HFM1: variants seen among roughly 807,000 people sequenced by gnomAD.
HFM1 encodes probable ATP-dependent DNA helicase HFM1.
HFM1 carries 169 observed loss-of-function variants against 192.1 expected under a neutral mutation model. The observed-to-expected ratio is 0.88, with a 90% CI of 0.78 to 1.00. The LOEUF (loss-of-function observed/expected upper bound fraction) is 1.00, where lower values mean the gene tolerates loss of function less well. Ranked by LOEUF, HFM1 falls within the 50% of genes least tolerant of loss-of-function variation. HFM1 has a pLI of 0.00. For synonymous variants in HFM1, 525 were observed against 537.8 expected, an observed-to-expected ratio of 0.98 and a Z score of 0.33; for missense variants, 1,661 against 1,668.0, an observed-to-expected ratio of 1.00 and a Z score of 0.07.
At chr1:91,334,930 C>CAA (rs1036387638) in intron 20 of HFM1, among the ~76,000 whole-genome samples, 9 of 102,320 alleles carry the variant, frequency 8.8e-5, no homozygotes, top group Non-Finnish European at 1.2e-4. Context: ...CTCTCTGTCT[C>CAA]AAAAAAAAAA....
At chr1:91,310,608 C>A (rs1438298384) in intron 30 of HFM1, among the ~76,000 whole-genome samples, 1 of 152,192 alleles carries the variant, frequency 6.6e-6, no homozygotes, top group Non-Finnish European at 1.5e-5. Flanking sequence ...TCCCAGAATT[C>A]CCACGTGTTG....
intron 30 of HFM1, among the ~76,000 whole-genome samples, chr1:91,293,534 A>G (rs1226448774): frequency 6.7e-6 from 1 of 149,854 alleles, no homozygotes; most frequent in Admixed American, 6.7e-5. Context: ...GCAATCATTA[A>G]AAAGTCAGGA....
intron 13 of HFM1, among the ~76,000 whole-genome samples, chr1:91,370,958 G>A (rs1441868022): frequency 6.6e-6 from 1 of 151,918 alleles, no homozygotes; most frequent in African/African-American, 2.4e-5. Context: ...CAGACAAACA[G>A]AGAGCCAAAT....
intron 13 of HFM1, among the ~76,000 whole-genome samples, chr1:91,357,440 A>C (rs1040160743): frequency 3.3e-5 from 5 of 152,198 alleles, no homozygotes; most frequent in Non-Finnish European, 7.3e-5. Flanking sequence ...CAGGCATATA[A>C]GGAAAACTTC....
At position 91,380,949 on chromosome 1, in the gene HFM1, G is replaced by A; in HGVS notation, c.836C>T (p.Pro279Leu). The A allele has an allele frequency of 6.9e-7, 1 of 1,456,966 alleles. No homozygotes were observed. Among genetic ancestry groups the A allele is most frequent in the Non-Finnish European group, 9.6e-7 (1 of 1,040,112 alleles). The allele number at this position is 1,456,966 out of a possible 1,614,324, so 90.3% of individuals were successfully genotyped here. A position where few individuals can be genotyped will look rare whatever the true frequency, so the allele number is the denominator to read the frequency against. Residue 279 changes from proline (P) to leucine (L), a missense_variant, in exon 7 of 39, where the codon CCA becomes CTA. Coordinates refer to ENST00000370425, the MANE Select transcript of HFM1 (RefSeq NM_001017975.6). ...AKFRSIFKEF[P>L]YFNYIQSKAF... Reference sequence around the variant, plus strand: ...CTTGGACTGTATATAGTTGAAATATGGAAATTCTTTGAAAATACTTCTAAA... The same window carrying A: ...CTTGGACTGTATATAGTTGAAATATAGAAATTCTTTGAAAATACTTCTAAA...
In HFM1 at chr1:91,305,668, A is replaced by C. The variant is rs1649494730; in HGVS notation, c.3391+7681T>G. Among the ~76,000 whole-genome samples the C allele has an allele frequency of 2.0e-5, 3 of 152,148 alleles. No individual in the cohort carries two copies. The South Asian group carries it at 6.2e-4, about 32-fold the overall frequency. On this transcript the variant is annotated intron_variant, in intron 30 of 38. Coordinates refer to ENST00000370425, the MANE Select transcript of HFM1 (RefSeq NM_001017975.6). ...CTGTAACTTCGAACACCTGGACTCA[A>C]GTGATCTTCCCATTTCAGCCTCCAG...
At chr1:91,289,048 G>GC (rs1257422783) in intron 30 of HFM1, among the ~76,000 whole-genome samples, 1 of 150,546 alleles carries the variant, frequency 6.6e-6, no homozygotes, top group Non-Finnish European at 1.5e-5. Flanking sequence ...GGCGGGGGCT[G>GC]CCCCCCACCT....
chr1:91,367,295 G>A (rs548970510), intron 13 of HFM1, among the ~76,000 whole-genome samples: 177 of 152,286 alleles, frequency 1.2e-3, no homozygotes, highest in African/African-American at 3.5e-3. Flanking sequence ...ATCTGAGAAC[G>A]GACAGACTAC....
chr1:91,358,778 G>C (rs577907292), intron 13 of HFM1, among the ~76,000 whole-genome samples: 1 of 151,086 alleles, frequency 6.6e-6, no homozygotes, highest in African/African-American at 2.4e-5. Context: ...CTGTTTCTTT[G>C]GGGGGGTCCC....
chr1:91,305,601 T>G (rs1026244004), intron 30 of HFM1, among the ~76,000 whole-genome samples: 4 of 152,082 alleles, frequency 2.6e-5, no homozygotes, highest in Non-Finnish European at 5.9e-5. Flanking sequence ...AAGGTCTCAC[T>G]CTGTTGCCCA....
chr1:91,316,450 T>G lies in HFM1; in HGVS notation c.2839A>C (p.Asn947His). The G allele has an allele frequency of 6.4e-7, 1 of 1,573,516 alleles. No homozygotes were observed. Among genetic ancestry groups the G allele is most frequent in the Non-Finnish European group, 8.7e-7 (1 of 1,155,424 alleles). The change falls in exon 26 of 39, where the codon AAT becomes CAT. Residue 947 changes from asparagine (N) to histidine (H), a missense_variant. Transcript: ENST00000370425. ...TTTTTAAAGGAAGTCAAACCAGCATTTACGATTGCATTTGACAATGTTATA... is the reference window on the plus strand; with the variant it reads ...TTTTTAAAGGAAGTCAAACCAGCATGTACGATTGCATTTGACAATGTTATA... ...IGITLSNAIV[N>H]AGLTSFKKIE...
intron 6 of HFM1, among the ~76,000 whole-genome samples, chr1:91,381,416 G>C (rs1173695001): frequency 3.9e-5 from 6 of 152,024 alleles, no homozygotes; most frequent in Admixed American, 3.9e-4. Context: ...TACTTCATTA[G>C]CTGATGTGTT....
intron 6 of HFM1, among the ~76,000 whole-genome samples, chr1:91,382,960 G>A (rs184890662): frequency 1.3e-5 from 2 of 152,176 alleles, no homozygotes; most frequent in East Asian, 3.9e-4. Context: ...ATTGCCCTGA[G>A]GATTCAAATG....
chr1:91,268,545 C>T (rs927774088), intron 34 of HFM1, among the ~76,000 whole-genome samples: 4 of 152,032 alleles, frequency 2.6e-5, no homozygotes, highest in African/African-American at 7.2e-5. Context: ...TGTTATGAGG[C>T]GCTAAATGCC....
chr1:91,350,619 T>TA, intron 18 of HFM1, 119 bp downstream of exon 18: 1 of 854,460 alleles, frequency 1.2e-6, no homozygotes, highest in Non-Finnish European at 1.8e-6. Context: ...GGACTGTTGT[T>TA]ACCTTTTGTT....
At chr1:91,294,310 A>C (rs1669147444) in intron 30 of HFM1, among the ~76,000 whole-genome samples, 1 of 152,106 alleles carries the variant, frequency 6.6e-6, no homozygotes, top group African/African-American at 2.4e-5. Context: ...TGTTTTTGTG[A>C]AACACAATTC....
chr1:91,293,957 C>A (rs1396706723), intron 30 of HFM1, among the ~76,000 whole-genome samples: 1 of 149,362 alleles, frequency 6.7e-6, no homozygotes, highest in Non-Finnish European at 1.5e-5. Flanking sequence ...GAACAAAAAA[C>A]CAAACACCGC....
At chr1:91,340,259 C>T (rs968546789) in intron 20 of HFM1, among the ~76,000 whole-genome samples, 3 of 152,188 alleles carry the variant, frequency 2.0e-5, no homozygotes, top group African/African-American at 7.2e-5. Flanking sequence ...ATCTTCCTGC[C>T]TCAGCCTCCC....
intron 34 of HFM1, among the ~76,000 whole-genome samples, chr1:91,271,784 TCTC>T (rs1299781625): frequency 1.3e-5 from 2 of 152,104 alleles, no homozygotes; most frequent in African/African-American, 2.4e-5. Flanking sequence ...AATTTTCAGT[TCTC>T]CACTGATCAC....
Sources: gnomAD v4.1 joint callset for allele counts (sites outside exome capture counted in the v4.1 genomes callset) on GRCh38, gnomAD v4.1.1 for gene constraint, MANE v1.5 for transcripts, NCBI Gene and HGNC (gene_info 2026-07-23, HGNC 2026-07-21) for gene names.